Variants in VAT1L observed in about 807,000 individuals in gnomAD.
VAT1L encodes the protein vesicle amine transport 1 like.
VAT1L carries 34 observed loss-of-function variants against 44.1 expected under a neutral mutation model. That is an observed-to-expected ratio of 0.77 (90% CI 0.59 to 1.03). VAT1L has a LOEUF of 1.03. Among genes scored for constraint, VAT1L ranks in the 50% least tolerant of loss-of-function variants. The probability of loss-of-function intolerance (pLI) is 0.00; values close to 1 mark genes in which losing one functional copy is unlikely to be tolerated. For synonymous variants in VAT1L, 253 were observed against 202.2 expected (o/e 1.25, Z -2.13); for missense variants, 615 against 538.8 (o/e 1.14, Z -1.40).
chr16:77,980,016 T>C lies in VAT1L; in HGVS notation c.*2321T>C, dbSNP rs2018383118. ...GAACTGAAACATTGTCTAATGTCTT[T>C]GTGGCTTTAGAGCTTTTGTTATATT... is the stretch of plus-strand genomic sequence containing the variant. On this transcript the variant is annotated 3_prime_UTR_variant, in exon 9 of 9. Coordinates refer to ENST00000302536, the MANE Select transcript of VAT1L (RefSeq NM_020927.3). 6.5e-6 allele frequency: 1 copy of C among 152,680 alleles called. No homozygotes were observed. The highest frequency in any genetic ancestry group is 2.1e-4 in the South Asian group (1 of 4,834). 9.5% of individuals were successfully genotyped at this position (152,680 alleles called of 1,614,324 possible).
chr16:77,810,609 G>T (rs907322886), intron 1 of VAT1L, among the ~76,000 whole-genome samples: 7 of 152,110 alleles, frequency 4.6e-5, no homozygotes, highest in African/African-American at 1.7e-4. Context: ...GGTCAAGACT[G>T]CAGTGAGCCA....
intron 4 of VAT1L, among the ~76,000 whole-genome samples, chr16:77,872,093 A>G (rs989641132): frequency 6.6e-6 from 1 of 152,116 alleles, no homozygotes; most frequent in African/African-American, 2.4e-5. Context: ...ATCCCCTTCC[A>G]CAGTTGGGGA....
Position 77,854,683 on chromosome 16 carries a change from G to C in VAT1L, c.580-8065G>C, listed in dbSNP as rs1438708465. Among the ~76,000 whole-genome samples the C allele has an allele frequency of 2.6e-5, 4 of 152,186 alleles. No individual in the cohort carries two copies. In the East Asian group the frequency reaches 7.7e-4, roughly 29 times the overall value. ...AATAAACTGACAATCTTTGGAAGAA[G>C]AAAATCTTACCTCACCATCTCCTCC... On this transcript the variant is annotated intron_variant, in intron 3 of 8. Transcript: ENST00000302536.
chr16:77,960,681 G>T (rs542128780), intron 7 of VAT1L, among the ~76,000 whole-genome samples: 1 of 152,142 alleles, frequency 6.6e-6, no homozygotes, highest in African/African-American at 2.4e-5. Flanking sequence ...ATAGTCCATG[G>T]GGGAATGAAT....
chr16:77,941,276 G>C (rs1045671244), intron 7 of VAT1L, among the ~76,000 whole-genome samples: 1 of 152,166 alleles, frequency 6.6e-6, no homozygotes, highest in South Asian at 2.1e-4. Context: ...GTGGCAGCTT[G>C]TTGCATTAGC....
intron 1 of VAT1L, chr16:77,800,906 G>C (rs762401345): frequency 6.6e-6 from 1 of 152,124 alleles, no homozygotes; most frequent in Non-Finnish European, 1.5e-5. Flanking sequence ...TCGGTTCACT[G>C]CGAACTCCGC....
chr16:77,852,889 G>A (rs752387350), intron 3 of VAT1L, among the ~76,000 whole-genome samples: 1 of 152,112 alleles, frequency 6.6e-6, no homozygotes, highest in Non-Finnish European at 1.5e-5. Flanking sequence ...CTTCCATCTG[G>A]GAAATGAGGA....
At chr16:77,936,983 C>A (rs2017807085) in intron 7 of VAT1L, among the ~76,000 whole-genome samples, 1 of 152,204 alleles carries the variant, frequency 6.6e-6, no homozygotes. Flanking sequence ...CTACCGGGTT[C>A]AAGCAATTAT....
chr16:77,827,244 T>A (rs2016532820), intron 3 of VAT1L, among the ~76,000 whole-genome samples: 1 of 152,378 alleles, frequency 6.6e-6, no homozygotes, highest in Non-Finnish European at 1.5e-5. Context: ...ATGATCTTAG[T>A]GTGCTCAGCA....
intron 3 of VAT1L, among the ~76,000 whole-genome samples, chr16:77,847,762 T>C (rs1286199252): frequency 6.6e-6 from 1 of 152,126 alleles, no homozygotes; most frequent in Non-Finnish European, 1.5e-5. Flanking sequence ...GTAGAGACTG[T>C]GAGATGTTGT....
chr16:77,811,256 C>G (rs1475653446), intron 1 of VAT1L, among the ~76,000 whole-genome samples: 1 of 152,212 alleles, frequency 6.6e-6, no homozygotes, highest in African/African-American at 2.4e-5. Context: ...AAGGGAGCAT[C>G]TCCATGCTAC....
intron 8 of VAT1L, 55 bp downstream of exon 8, chr16:77,971,988 C>T (rs1199166839): frequency 6.5e-7 from 1 of 1,532,096 alleles, no homozygotes; most frequent in Non-Finnish European, 8.9e-7. Flanking sequence ...CACCACGGGT[C>T]AATCAGATGC....
At chr16:77,902,323 G>T (rs1229369569) in intron 7 of VAT1L, among the ~76,000 whole-genome samples, 1 of 152,132 alleles carries the variant, frequency 6.6e-6, no homozygotes, top group African/African-American at 2.4e-5. Flanking sequence ...AGTCAATGGG[G>T]TTTTTTATAT....
intron 1 of VAT1L, among the ~76,000 whole-genome samples, chr16:77,798,163 C>G (rs959708973): frequency 1.3e-5 from 2 of 152,164 alleles, no homozygotes; most frequent in African/African-American, 4.8e-5. Flanking sequence ...TCCTCTCACT[C>G]TTGACTTCTC....
intron 7 of VAT1L, among the ~76,000 whole-genome samples, chr16:77,946,578 A>G (rs1308027253): frequency 6.6e-6 from 1 of 152,190 alleles, no homozygotes; most frequent in Non-Finnish European, 1.5e-5. Flanking sequence ...CACAGCACCC[A>G]GCCCGAGAAT....
rs140974145 is a variant in VAT1L at position 77,934,281 on chromosome 16, G to A, written c.1078-37569G>A. Among the ~76,000 whole-genome samples, 7 of 152,208 alleles carry A rather than the reference G, an allele frequency of 4.6e-5. No individual in the cohort carries two copies. In the East Asian group the frequency reaches 7.7e-4, roughly 17 times the overall value. On this transcript the variant is annotated intron_variant, in intron 7 of 8. Transcript: ENST00000302536. ...TTTTGGCCTGAAGAGCTGTGGTTCT[G>A]TGGTTTTGGTAGACAGAATGATGCT...
chr16:77,822,349 G>C (rs985269016), intron 2 of VAT1L, among the ~76,000 whole-genome samples: 5 of 151,904 alleles, frequency 3.3e-5, no homozygotes, highest in African/African-American at 7.3e-5. Flanking sequence ...GATCAGGCTG[G>C]GCTTGAACTC....
intron 3 of VAT1L, among the ~76,000 whole-genome samples, chr16:77,859,337 G>A (rs2016892880): frequency 6.6e-6 from 1 of 152,130 alleles, no homozygotes; most frequent in South Asian, 2.1e-4. Context: ...TTCTGAGAAT[G>A]CCAGGGTTGA....
rs28452876 is a variant in VAT1L at position 77,927,287 on chromosome 16, G to A, written c.1077+42485G>A. On this transcript the variant is annotated intron_variant, in intron 7 of 8. Transcript: ENST00000302536. ...TGGGAGGCAGAGCTTGCAGTGAGCC[G>A]AGATCGCGCCACTACACTCCAGCCT... Among the ~76,000 whole-genome samples, 808 of 150,180 alleles carry A rather than the reference G, an allele frequency of 5.4e-3. 9 individuals are homozygous for A. Among genetic ancestry groups the A allele is most frequent in the African/African-American group, 0.019 (778 of 40,834 alleles).
Sources: gnomAD v4.1 joint callset for allele counts (sites outside exome capture counted in the v4.1 genomes callset) on GRCh38, gnomAD v4.1.1 for gene constraint, MANE v1.5 for transcripts, NCBI Gene and HGNC (gene_info 2026-07-23, HGNC 2026-07-21) for gene names.